PAPSS2: variants seen among roughly 807,000 people sequenced by gnomAD.
PAPSS2 encodes bifunctional 3'-phosphoadenosine 5'-phosphosulfate synthase 2.
A neutral mutation model predicts 66.5 loss-of-function variants in PAPSS2; 61 were observed. The ratio of observed to expected loss-of-function variants is 0.92; its 90% CI spans 0.75 to 1.14. PAPSS2 has a LOEUF of 1.14. PAPSS2 is among the 50% of genes most tolerant of loss of function. The pLI is 0.00. For missense variants in PAPSS2, 708 were observed against 789.6 expected, an observed-to-expected ratio of 0.90 and a Z score of 1.24; for synonymous variants, 289 against 287.5, an observed-to-expected ratio of 1.01 and a Z score of -0.05.
intron 1 of PAPSS2, among the ~76,000 whole-genome samples, chr10:87,677,096 A>G (rs10218939): frequency 0.46 from 69,132 of 151,628 alleles, 16,520 homozygotes; most frequent in East Asian, 0.78. Flanking sequence ...CCAGAGATTG[A>G]GGCAGGAAAA....
intron 1 of PAPSS2, among the ~76,000 whole-genome samples, chr10:87,690,120 A>C (rs963096040): frequency 2.6e-5 from 4 of 152,244 alleles, no homozygotes; most frequent in Non-Finnish European, 5.9e-5. Context: ...ATATTTTCAC[A>C]TGCAAAAAAT....
intron 1 of PAPSS2, chr10:87,704,062 C>A (rs753449561): frequency 1.0e-4 from 51 of 491,784 alleles, no homozygotes; most frequent in Non-Finnish European, 1.9e-4. Context: ...GCCACTCTGC[C>A]CCCTTGCAGT....
intron 1 of PAPSS2, among the ~76,000 whole-genome samples, chr10:87,662,868 T>TTTCC: frequency 6.6e-6 from 1 of 151,608 alleles, no homozygotes; most frequent in Non-Finnish European, 1.5e-5. Flanking sequence ...TCCTTATTTA[T>TTTCC]TTTCTTTCTT....
intron 1 of PAPSS2, among the ~76,000 whole-genome samples, chr10:87,691,325 G>A (rs895499009): frequency 1.3e-5 from 2 of 152,070 alleles, no homozygotes; most frequent in African/African-American, 4.8e-5. Flanking sequence ...TAGTATTCCA[G>A]GCATACAGAT....
intron 1 of PAPSS2, among the ~76,000 whole-genome samples, chr10:87,662,327 G>A (rs1564705542): frequency 6.6e-6 from 1 of 152,158 alleles, no homozygotes; most frequent in East Asian, 1.9e-4. Context: ...TTGCCTTTCA[G>A]TTCAGACCAC....
chr10:87,683,940 C>T (rs555813983), intron 1 of PAPSS2, among the ~76,000 whole-genome samples: 20 of 152,242 alleles, frequency 1.3e-4, no homozygotes, highest in African/African-American at 4.8e-4. Context: ...AGCGATCCTC[C>T]CACCTTGGCC....
chr10:87,683,391 G>A (rs951806722), intron 1 of PAPSS2, among the ~76,000 whole-genome samples: 46 of 152,196 alleles, frequency 3.0e-4, no homozygotes, highest in African/African-American at 9.9e-4. Context: ...GATTACAGGC[G>A]TGAGCCACCG....
chr10:87,689,729 C>A (rs908976867), intron 1 of PAPSS2, among the ~76,000 whole-genome samples: 1 of 150,276 alleles, frequency 6.7e-6, no homozygotes, highest in Non-Finnish European at 1.5e-5. Context: ...TTCAGGGCTC[C>A]TGCAAATTAT....
chr10:87,746,222 A>G lies in PAPSS2; in HGVS notation c.*252A>G, dbSNP rs932380352. On this transcript the variant is annotated 3_prime_UTR_variant, in exon 13 of 13. Coordinates refer to ENST00000456849, the MANE Select transcript of PAPSS2 (RefSeq NM_001015880.2). ...TACATTTCATAATAAAATTAGCTCT[A>G]TGTATTTTCTACTGCACCTGAGCAG... is the stretch of plus-strand genomic sequence containing the variant. 3 of 267,356 alleles carry G rather than the reference A, an allele frequency of 1.1e-5. No homozygotes were observed. Among genetic ancestry groups the G allele is most frequent in the Non-Finnish European group, 7.0e-6 (1 of 143,730 alleles). The allele number at this position is 267,356 out of a possible 1,614,324, so 16.6% of individuals were successfully genotyped here. A position where few individuals can be genotyped will look rare whatever the true frequency, so the allele number is the denominator to read the frequency against.
chr10:87,740,542 A>T (rs776966681), intron 9 of PAPSS2, among the ~76,000 whole-genome samples: 1 of 152,202 alleles, frequency 6.6e-6, no homozygotes, highest in Non-Finnish European at 1.5e-5. Flanking sequence ...AGCACAATGG[A>T]TTTTTAATGT....
intron 2 of PAPSS2, among the ~76,000 whole-genome samples, chr10:87,711,116 T>C (rs964668502): frequency 6.6e-6 from 1 of 152,236 alleles, no homozygotes; most frequent in African/African-American, 2.4e-5. Flanking sequence ...AGAAACAAAA[T>C]ACTTTAAATC....
intron 7 of PAPSS2, among the ~76,000 whole-genome samples, chr10:87,720,259 G>T (rs149543507): frequency 0.011 from 1,619 of 152,164 alleles, 21 homozygotes; most frequent in Middle Eastern, 0.014. Flanking sequence ...CAACAAAATG[G>T]AACTGCCTCA....
intron 9 of PAPSS2, among the ~76,000 whole-genome samples, chr10:87,736,952 C>A (rs1198700867): frequency 2.0e-5 from 3 of 152,130 alleles, no homozygotes; most frequent in Admixed American, 2.0e-4. Context: ...CTCTGCAGAC[C>A]CTCCCTGCTT....
chr10:87,745,323 T>C, intron 12 of PAPSS2, 92 bp downstream of exon 12: 5 of 961,270 alleles, frequency 5.2e-6, no homozygotes, highest in Non-Finnish European at 8.2e-6. Context: ...CTCCAGTGCA[T>C]TGCCACATGC....
In PAPSS2 at chr10:87,741,361, A is replaced by G; in HGVS notation, c.1213A>G (p.Met405Val). 6.2e-7 allele frequency: 1 copy of G among 1,612,758 alleles called. No individual in the cohort carries two copies. The highest frequency in any genetic ancestry group is 8.5e-7 in the Non-Finnish European group (1 of 1,178,714). The change falls in exon 10 of 13, where the codon ATG (methionine) becomes GTG (valine). Residue 405 changes from methionine to valine, a missense_variant. Met to Val is a conservative substitution (Grantham distance 21). Coordinates refer to ENST00000456849, the MANE Select transcript of PAPSS2 (RefSeq NM_001015880.2). ...GGAGCTCAAACAGAAATGTAAAGAA[A>G]TGAATGCTGGTATGTAAACTGTTCT... is the stretch of plus-strand genomic sequence containing the variant. ...PLELKQKCKE[M>V]NADAVFAFQL...
intron 1 of PAPSS2, among the ~76,000 whole-genome samples, chr10:87,664,204 G>C (rs1446350706): frequency 2.6e-5 from 4 of 152,324 alleles, no homozygotes; most frequent in African/African-American, 9.6e-5. Flanking sequence ...TTGCAGGCTT[G>C]AGCCACTGTG....
chr10:87,667,304 A>T (rs559918823), intron 1 of PAPSS2, among the ~76,000 whole-genome samples: 148 of 152,178 alleles, frequency 9.7e-4, no homozygotes, highest in Non-Finnish European at 2.1e-4. Flanking sequence ...AATGCAAAAA[A>T]TTAGCCAAGT....
rs537362430 is a variant in PAPSS2 at position 87,680,508 on chromosome 10, A to T, written c.27+20500A>T. On this transcript the variant is annotated intron_variant, in intron 1 of 12. Coordinates refer to ENST00000456849, the MANE Select transcript of PAPSS2 (RefSeq NM_001015880.2). ...TGGTGGGTCTGTAGAGGGATGAATT[A>T]GCATCCTGTTAGAAAGGTGCTGGGT... Among the ~76,000 whole-genome samples, 3 of 152,288 alleles carry T rather than the reference A, an allele frequency of 2.0e-5. No homozygotes were observed. In the East Asian group the frequency reaches 5.8e-4, roughly 29 times the overall value.
intron 11 of PAPSS2, 75 bp from the exon 12 acceptor site, chr10:87,744,926 TA>T: frequency 8.1e-7 from 1 of 1,228,826 alleles, no homozygotes; most frequent in Non-Finnish European, 1.2e-6. Flanking sequence ...TAAAGTAGAA[TA>T]AAGGTGTCTC....
Sources: gnomAD v4.1 joint callset for allele counts (sites outside exome capture counted in the v4.1 genomes callset) on GRCh38, gnomAD v4.1.1 for gene constraint, MANE v1.5 for transcripts, NCBI Gene and HGNC (gene_info 2026-07-23, HGNC 2026-07-21) for gene names.